MACROD2: variants seen among roughly 807,000 people sequenced by gnomAD.
MACROD2 encodes the protein ADP-ribose glycohydrolase MACROD2.
MACROD2 carries 36 observed loss-of-function variants against 70.4 expected under a neutral mutation model. The observed-to-expected ratio is 0.51, with a 90% confidence interval of 0.39 to 0.68. The LOEUF (loss-of-function observed/expected upper bound fraction) is 0.68, where lower values mean the gene tolerates loss of function less well. Ranked by LOEUF, MACROD2 falls within the 30% of genes least tolerant of loss-of-function variation. The probability of loss-of-function intolerance (pLI) is 0.00; values close to 1 mark genes in which losing one functional copy is unlikely to be tolerated. For synonymous variants in MACROD2, 172 were observed against 178.8 expected (o/e 0.96, Z 0.30); for missense variants, 496 against 538.4 (o/e 0.92, Z 0.78).
At chr20:15,230,762 A>G (rs2076953040) in intron 6 of MACROD2, among the ~76,000 whole-genome samples, 1 of 152,072 alleles carries the variant, frequency 6.6e-6, no homozygotes, top group East Asian at 1.9e-4. Context: ...GTATTTACTC[A>G]CCTGCTTTTC....
At chr20:14,824,303 C>A (rs570843277) in intron 5 of MACROD2, among the ~76,000 whole-genome samples, 1 of 152,178 alleles carries the variant, frequency 6.6e-6, no homozygotes, top group Non-Finnish European at 1.5e-5. Flanking sequence ...GGGAGTTGGT[C>A]ATCAGTAGCA....
intron 3 of MACROD2, among the ~76,000 whole-genome samples, chr20:14,378,310 G>A (rs762246707): frequency 1.3e-5 from 2 of 152,170 alleles, no homozygotes; most frequent in Non-Finnish European, 2.9e-5. Context: ...AAGGGGTACT[G>A]GCTGTCATGG....
intron 6 of MACROD2, among the ~76,000 whole-genome samples, chr20:15,359,807 G>A (rs899228910): frequency 1.3e-5 from 2 of 152,114 alleles, no homozygotes; most frequent in Non-Finnish European, 2.9e-5. Flanking sequence ...TTCTTCAGCC[G>A]GTTTCCTTGA....
At chr20:14,261,317 A>G (rs1369133427) in intron 3 of MACROD2, among the ~76,000 whole-genome samples, 2 of 152,174 alleles carry the variant, frequency 1.3e-5, no homozygotes, top group African/African-American at 4.8e-5. Context: ...AATTTGGGTT[A>G]GTAACAAAAT....
intron 7 of MACROD2, among the ~76,000 whole-genome samples, chr20:15,440,652 T>C (rs75775769): frequency 0.01 from 1,589 of 152,312 alleles, 27 homozygotes; most frequent in African/African-American, 0.036. Context: ...CAGCTTTAAA[T>C]GCTGACAGAT....
At chr20:15,699,915 G>T (rs985027196) in intron 8 of MACROD2, among the ~76,000 whole-genome samples, 1 of 152,114 alleles carries the variant, frequency 6.6e-6, no homozygotes, top group Non-Finnish European at 1.5e-5. Flanking sequence ...GACCTAGGAA[G>T]CCCCCAGGGC....
At chr20:16,033,133 C>CTTTA (rs1354867844) in intron 15 of MACROD2, among the ~76,000 whole-genome samples, 1 of 151,990 alleles carries the variant, frequency 6.6e-6, no homozygotes, top group Non-Finnish European at 1.5e-5. Context: ...TGGAATCTGA[C>CTTTA]TTTTAAATAA....
chr20:15,184,113 A>C (rs17360962), intron 5 of MACROD2, among the ~76,000 whole-genome samples: 15,649 of 152,214 alleles, frequency 0.1, 1,033 homozygotes, highest in Non-Finnish European at 0.15. Context: ...TATTAGCAAC[A>C]AAAAATTCAA....
At chr20:14,074,132 A>T (rs2053885976) in intron 2 of MACROD2, among the ~76,000 whole-genome samples, 1 of 152,090 alleles carries the variant, frequency 6.6e-6, no homozygotes, top group Admixed American at 6.5e-5. Context: ...GTTTCCTCTT[A>T]GTGATTTTTC....
intron 6 of MACROD2, among the ~76,000 whole-genome samples, chr20:15,372,055 T>C (rs1214143857): frequency 6.6e-6 from 1 of 152,232 alleles, no homozygotes; most frequent in Non-Finnish European, 1.5e-5. Context: ...ACACGTATAG[T>C]TTCTAGTTCA....
At chr20:15,044,349 A>G (rs956161229) in intron 5 of MACROD2, among the ~76,000 whole-genome samples, 5 of 152,196 alleles carry the variant, frequency 3.3e-5, no homozygotes, top group Admixed American at 3.3e-4. Context: ...GACTGAATAT[A>G]TATTTGTTAT....
intron 5 of MACROD2, among the ~76,000 whole-genome samples, chr20:15,172,601 G>A (rs929892561): frequency 3.9e-5 from 6 of 152,062 alleles, no homozygotes; most frequent in Non-Finnish European, 7.4e-5. Context: ...GTAGAGATGG[G>A]ATCTCACTAT....
At chr20:15,451,947 G>T (rs2046649208) in intron 7 of MACROD2, among the ~76,000 whole-genome samples, 2 of 152,240 alleles carry the variant, frequency 1.3e-5, no homozygotes, top group East Asian at 3.9e-4. Context: ...AGTGGCATAG[G>T]AGACTGGTGA....
chr20:15,717,108 G>T (rs755289356), intron 8 of MACROD2, among the ~76,000 whole-genome samples: 2 of 152,158 alleles, frequency 1.3e-5, no homozygotes, highest in Non-Finnish European at 2.9e-5. Context: ...AATTACAGTT[G>T]TTTGTTACAT....
chr20:14,785,675 T>C (rs2072361215), intron 5 of MACROD2, among the ~76,000 whole-genome samples: 1 of 152,112 alleles, frequency 6.6e-6, no homozygotes, highest in Non-Finnish European at 1.5e-5. Context: ...AACGTAGTAT[T>C]ATTTTTGCTT....
chr20:15,203,152 T>C (rs2076671690), intron 5 of MACROD2, among the ~76,000 whole-genome samples: 1 of 152,196 alleles, frequency 6.6e-6, no homozygotes, highest in Non-Finnish European at 1.5e-5. Flanking sequence ...TGATGCCACA[T>C]TGGATAGATT....
chr20:14,826,213 A>G (rs2072900840), intron 5 of MACROD2, among the ~76,000 whole-genome samples: 1 of 149,960 alleles, frequency 6.7e-6, no homozygotes, highest in Admixed American at 6.7e-5. Flanking sequence ...ACTCAGAAAT[A>G]AACACTAGTT....
Position 14,326,973 on chromosome 20 carries a change from T to C in MACROD2, c.272-166506T>C. On this transcript the variant is annotated intron_variant, in intron 3 of 17. Coordinates refer to ENST00000684519, the MANE Select transcript of MACROD2 (RefSeq NM_001351661.2). The surrounding 1 kb of genome is among the most constrained non-coding windows in gnomAD (Gnocchi z 5.5). ...TGCGATTATCATCCAAGCGTAGTTC[T>C]TCTATAGTCCTGGGCAAACCCCAGG... 2 of 1,613,780 alleles carry C rather than the reference T, an allele frequency of 1.2e-6. No homozygotes were observed. Among genetic ancestry groups the C allele is most frequent in the Non-Finnish European group, 1.7e-6 (2 of 1,179,786 alleles).
At chr20:15,651,983 G>A (rs973001354) in intron 8 of MACROD2, among the ~76,000 whole-genome samples, 1 of 152,140 alleles carries the variant, frequency 6.6e-6, no homozygotes, top group African/African-American at 2.4e-5. Flanking sequence ...GCCCCATGAA[G>A]CTAATGAGAT....
Sources: gnomAD v4.1 joint callset for allele counts (sites outside exome capture counted in the v4.1 genomes callset) on GRCh38, gnomAD v4.1.1 for gene constraint, Gnocchi (gnomAD v3.1) non-coding constraint, MANE v1.5 for transcripts, NCBI Gene and HGNC (gene_info 2026-07-23, HGNC 2026-07-21) for gene names.